The following EML2 variants were observed in gnomAD, a reference collection of about 807,000 sequenced individuals.
The protein encoded by EML2 is EMAP like 2.
Under a neutral mutation model 84.7 loss-of-function variants are expected in EML2, and 59 were observed. The ratio of observed to expected loss-of-function variants is 0.70; its 90% CI spans 0.56 to 0.86. The LOEUF (loss-of-function observed/expected upper bound fraction) is 0.86, where lower values mean the gene tolerates loss of function less well. EML2 is among the 40% of genes least tolerant of loss of function. The probability of loss-of-function intolerance (pLI) is 0.00; values close to 1 mark genes in which losing one functional copy is unlikely to be tolerated. For synonymous variants in EML2, 352 were observed against 348.9 expected, an observed-to-expected ratio of 1.01 and a Z score of -0.10; for missense variants, 818 against 855.6, an observed-to-expected ratio of 0.96 and a Z score of 0.55.
At chr19:45,632,722 CT>C in intron 6 of EML2, 138 bp downstream of exon 6, 2 of 720,028 alleles carry the variant, frequency 2.8e-6, no homozygotes, top group South Asian at 3.5e-5. Flanking sequence ...AGGACACGCC[CT>C]CATTGTGACG....
chr19:45,629,543 C>G (rs980985462), intron 7 of EML2, among the ~76,000 whole-genome samples: 1 of 151,610 alleles, frequency 6.6e-6, no homozygotes. Context: ...AGGCTGGTCT[C>G]GAACTCCTGA....
upstream of EML2, chr19:45,639,512 C>T (rs73570969): frequency 1.0e-2 from 8,878 of 890,012 alleles, 595 homozygotes; most frequent in African/African-American, 0.14. Context: ...AGGGTCCCAC[C>T]GGGTCACACA....
chr19:45,613,230 T>C (rs1970674456), intron 18 of EML2, among the ~76,000 whole-genome samples: 1 of 152,142 alleles, frequency 6.6e-6, no homozygotes, highest in Non-Finnish European at 1.5e-5. Context: ...TAAGATCTGG[T>C]TGTATATCCT....
At chr19:45,625,206 C>T (rs1269801874) in intron 8 of EML2, among the ~76,000 whole-genome samples, 7 of 152,152 alleles carry the variant, frequency 4.6e-5, no homozygotes, top group Non-Finnish European at 1.0e-4. Flanking sequence ...GCTGGGATTA[C>T]AGGCCTGCGC....
At chr19:45,618,878 C>A in intron 12 of EML2, 182 bp downstream of exon 12, 1 of 493,518 alleles carries the variant, frequency 2.0e-6, no homozygotes, top group Non-Finnish European at 3.3e-6. Flanking sequence ...ACCCGGGAGG[C>A]GGAGGTTGCA....
At position 45,617,619 on chromosome 19, in the gene EML2, C is replaced by G. The variant is rs757498638; in HGVS notation, c.1322+11G>C. ...AGAGAAGGCCTCCCGAAATGCTCTC[C>G]TCAGCTTTACCTGCCAGTCACTGTA... is the stretch of plus-strand genomic sequence containing the variant. On this transcript the variant is annotated intron_variant, in intron 13 of 18. Coordinates refer to ENST00000245925, the MANE Select transcript of EML2 (RefSeq NM_012155.4). The G allele has an allele frequency of 2.5e-6, 4 of 1,612,816 alleles. No homozygotes were observed. Among genetic ancestry groups the G allele is most frequent in the Non-Finnish European group, 2.5e-6 (3 of 1,179,432 alleles).
At position 45,626,691 on chromosome 19, in the gene EML2, C is replaced by T. The variant is rs746237648; in HGVS notation, c.741+14G>A. 1.7e-5 allele frequency: 28 copies of T among 1,610,598 alleles called. No homozygotes were observed. In the African/African-American group the frequency reaches 2.8e-4, roughly 16 times the overall value. On this transcript the variant is annotated intron_variant, in intron 8 of 18. Coordinates refer to ENST00000245925, the MANE Select transcript of EML2 (RefSeq NM_012155.4). ...TCTCAGGGCCAGCCTGTCCCCCAAA[C>T]CCCTGGCACTCACCTCAAAGAGGCC...
chr19:45,638,989 G>A (rs753542931), intron 1 of EML2, 116 bp from the exon 2 acceptor site: 1 of 1,238,684 alleles, frequency 8.1e-7, no homozygotes, highest in Non-Finnish European at 1.2e-6. Context: ...ACGGGGCCGA[G>A]TAAGGGGCAG....
chr19:45,639,809 C>T (rs4803838), upstream of EML2, among the ~76,000 whole-genome samples: 2,468 of 152,120 alleles, frequency 0.016, 34 homozygotes, highest in Non-Finnish European at 0.028. Context: ...GCCTGGCCAA[C>T]GTGGTGAAAC....
At chr19:45,623,519 A>T (rs1971965778) in intron 9 of EML2, 1 of 151,594 alleles carries the variant, frequency 6.6e-6, no homozygotes, top group African/African-American at 2.4e-5. Flanking sequence ...CTAGAGTGAG[A>T]CCCTGTCTTA....
upstream of EML2, chr19:45,641,598 C>A (rs1017219142): frequency 6.6e-7 from 1 of 1,522,680 alleles, no homozygotes; most frequent in African/African-American, 1.4e-5. Context: ...CGACCATTTC[C>A]TCCCTATCTC....
chr19:45,639,510 AC>A, upstream of EML2: 1 of 885,402 alleles, frequency 1.1e-6, no homozygotes, highest in East Asian at 3.4e-5. Context: ...GGAGGGTCCC[AC>A]CGGGTCACAC....
At chr19:45,619,254 A>G in intron 11 of EML2, 63 bp from the exon 12 acceptor site, 1 of 1,532,540 alleles carries the variant, frequency 6.5e-7, no homozygotes, top group Non-Finnish European at 8.8e-7. Context: ...ACTCAACACT[A>G]ATGCCAGACA....
In EML2 at chr19:45,624,749, A is replaced by C; in HGVS notation, c.811T>G (p.Ser271Ala). ...CCCCAAACATAGAGGTTCCCCCCAG[A>C]GTCCCCCGTGACCACGTCGCCACCT... is the stretch of plus-strand genomic sequence containing the variant. ...LEGGDVVTGD[S>A]GGNLYVWGKG... The change falls in exon 9 of 19, where the codon TCT becomes GCT. Residue 271 changes from serine (S) to alanine (A), a missense_variant. Coordinates refer to ENST00000245925, the MANE Select transcript of EML2 (RefSeq NM_012155.4). The C allele has an allele frequency of 6.2e-7, 1 of 1,613,958 alleles. No homozygotes were observed. Among genetic ancestry groups the C allele is most frequent in the Non-Finnish European group, 8.5e-7 (1 of 1,179,958 alleles).
chr19:45,616,321 G>T, intron 15 of EML2, 140 bp downstream of exon 15: 1 of 632,210 alleles, frequency 1.6e-6, no homozygotes, highest in Non-Finnish European at 2.8e-6. Context: ...TGAATGTGTG[G>T]ACGTGGCCAA....
At chr19:45,634,492 G>T in intron 3 of EML2, 21 bp from the exon 4 acceptor site, 3 of 1,593,718 alleles carry the variant, frequency 1.9e-6, no homozygotes, top group East Asian at 4.6e-5. Context: ...CCAGGGGCTG[G>T]TTAAGGAATG....
chr19:45,633,176 G>A (rs776440193), intron 4 of EML2, 37 bp from the exon 5 acceptor site: 2 of 1,591,914 alleles, frequency 1.3e-6, no homozygotes, highest in Non-Finnish European at 1.7e-6. Flanking sequence ...AGGGCTCAGT[G>A]GGAGAGAAGA....
chr19:45,645,390 C>A (rs754177536), upstream of EML2: 233 of 1,505,288 alleles, frequency 1.5e-4, 1 homozygote, highest in South Asian at 7.7e-4. Context: ...CGGGCCCGGT[C>A]CCCCCAACCA....
At chr19:45,645,363 C>G, upstream of EML2, 1 of 1,520,246 alleles carries the variant, frequency 6.6e-7, no homozygotes, top group Non-Finnish European at 8.8e-7. Flanking sequence ...CCACCGCCGG[C>G]CCCCCCGGTC....
Sources: allele counts gnomAD v4.1 joint callset (sites outside exome capture counted in the v4.1 genomes callset), GRCh38; gene constraint gnomAD v4.1.1; transcripts MANE v1.5; gene names NCBI Gene and HGNC (gene_info 2026-07-23, HGNC 2026-07-21).